The following FLNB variants were observed in gnomAD, a reference collection of about 807,000 sequenced individuals.
The protein encoded by FLNB is filamin-B.
In FLNB, 111 loss-of-function variants were observed where a neutral mutation model predicts 250.6. The ratio of observed to expected loss-of-function variants is 0.44; its 90% CI spans 0.38 to 0.52. The LOEUF is 0.52. Among genes scored for constraint, FLNB ranks in the 20% least tolerant of loss-of-function variants. The pLI, the probability that FLNB is intolerant of heterozygous loss-of-function variation, is 0.00. For missense variants in FLNB, 2,869 were observed against 3,447.8 expected (o/e 0.83, Z 4.20); for synonymous variants, 1,302 against 1,372.1 (o/e 0.95, Z 1.13).
chr3:58,127,915 G>A (rs75678272), intron 24 of FLNB, among the ~76,000 whole-genome samples: 4,570 of 152,174 alleles, frequency 0.03, 235 homozygotes, highest in African/African-American at 0.1. Flanking sequence ...ATTCTATAGT[G>A]GTGAATTCTG....
chr3:58,156,939 C>A (rs977924358), intron 41 of FLNB, among the ~76,000 whole-genome samples: 23 of 152,160 alleles, frequency 1.5e-4, no homozygotes, highest in Admixed American at 9.2e-4. Flanking sequence ...TGAGGTGATC[C>A]ACCCCACTCA....
At chr3:58,017,063 A>G (rs916046747) in intron 1 of FLNB, among the ~76,000 whole-genome samples, 4 of 152,118 alleles carry the variant, frequency 2.6e-5, no homozygotes, top group African/African-American at 4.8e-5. Flanking sequence ...CTAACTTTTC[A>G]TGGGAAACTG....
At chr3:58,120,473 T>C (rs973927417) in intron 19 of FLNB, among the ~76,000 whole-genome samples, 1 of 152,238 alleles carries the variant, frequency 6.6e-6, no homozygotes, top group Non-Finnish European at 1.5e-5. Context: ...AGGGGCCCTG[T>C]GTTCCCAGTG....
intron 42 of FLNB, 110 bp downstream of exon 42, chr3:58,159,796 C>T (rs536345888): frequency 8.6e-7 from 1 of 1,159,196 alleles, no homozygotes; most frequent in Non-Finnish European, 1.3e-6. Flanking sequence ...TGCCAGTGAG[C>T]CTCTGAATTC....
rs1256508216 is a variant in FLNB at position 58,154,874 on chromosome 3, T to C, written c.6718T>C (p.Phe2240Leu). 6.2e-7 allele frequency: 1 copy of C among 1,614,060 alleles called. No homozygotes were observed. Among genetic ancestry groups the C allele is most frequent in the Non-Finnish European group, 8.5e-7 (1 of 1,179,978 alleles). ...VEGPSKAEIT[F>L]DDHKNGSCGV... ...GGGCCCCAGTAAGGCCGAGATTACA[T>C]TCGATGACCATAAAAATGGGTCGTG... Residue 2240 changes from phenylalanine (F) to leucine (L), a missense_variant, in exon 40 of 46, where the codon TTC (phenylalanine) becomes CTC (leucine). Phe to Leu is a conservative substitution (Grantham distance 22). Transcript: ENST00000295956.
Position 58,100,373 on chromosome 3 carries a change from A to AAAAATATATATATATATATATATATAT in FLNB, c.1345+1466_1345+1467insAAATATATATATATATATATATATATA. 1.9e-3 allele frequency among the ~76,000 whole-genome samples: 200 copies of AAAAATATATATATATATATATATATAT among 104,330 alleles called. 2 individuals are homozygous for AAAAATATATATATATATATATATATAT. The highest frequency in any genetic ancestry group is 4.8e-3 in the Middle Eastern group (1 of 210). The allele number at this position is 104,330 out of a possible 152,430, so 68.4% of individuals were successfully genotyped here. On this transcript the variant is annotated intron_variant, in intron 8 of 45. Transcript: ENST00000295956. ...AATGATTTTACATATGTAAAAAAAA[A>AAAAATATATATATATATATATATATAT]ATATATATATATTTGCAGGGGCGCG...
Position 58,077,290 on chromosome 3 carries a change from T to C in FLNB, c.537T>C (p.Ala179=), listed in dbSNP as rs2097202994. 2 of 1,613,956 alleles carry C rather than the reference T, an allele frequency of 1.2e-6. No individual in the cohort carries two copies. The highest frequency in any genetic ancestry group is 1.7e-5 in the Admixed American group (1 of 60,020). ...KALGALVDSC[A]PGLCPDWESW... is the part of the protein sequence containing the mutation. ...TGGGAGCCCTGGTAGACAGCTGTGCTCCAGGTAAGTGGCCAGGGCTGCCTA... is the reference window on the plus strand; with the variant it reads ...TGGGAGCCCTGGTAGACAGCTGTGCCCCAGGTAAGTGGCCAGGGCTGCCTA... Residue 179 remains alanine (A), a synonymous_variant, in exon 2 of 46, where the codon GCT becomes GCC. Transcript: ENST00000295956.
rs370408343 is a variant in FLNB at position 58,168,429 on chromosome 3, C to T, written c.7199-11C>T. ...GTCATCAACACAGCATTTTCTATTCCTTTCTCCCAGGTATCCAGTCGGAAT... is the reference window on the plus strand; with the variant it reads ...GTCATCAACACAGCATTTTCTATTCTTTTCTCCCAGGTATCCAGTCGGAAT... On this transcript the variant is annotated splice_polypyrimidine_tract_variant and intron_variant, in intron 43 of 45. Transcript: ENST00000295956. 8.1e-6 allele frequency: 13 copies of T among 1,607,380 alleles called. No individual in the cohort carries two copies. The highest frequency in any genetic ancestry group is 1.1e-5 in the South Asian group (1 of 90,916).
intron 24 of FLNB, among the ~76,000 whole-genome samples, chr3:58,128,361 G>A (rs2107194241): frequency 6.6e-6 from 1 of 152,244 alleles, no homozygotes; most frequent in East Asian, 1.9e-4. Flanking sequence ...AAAACAACAT[G>A]TTTCTCCTCA....
chr3:58,072,075 G>T (rs1356020799), intron 1 of FLNB, among the ~76,000 whole-genome samples: 1 of 152,184 alleles, frequency 6.6e-6, no homozygotes, highest in Non-Finnish European at 1.5e-5. Context: ...CTCAAATTAA[G>T]TTTCTAGCTA....
chr3:58,043,363 C>A (rs2097149051), intron 1 of FLNB, among the ~76,000 whole-genome samples: 1 of 151,864 alleles, frequency 6.6e-6, no homozygotes, highest in Admixed American at 6.6e-5. Context: ...ATTTGGCATT[C>A]TTTTGAGTAC....
Position 58,008,758 on chromosome 3 carries a change from A to G in FLNB, c.194A>G (p.Lys65Arg), listed in dbSNP as rs775339823. Residue 65 changes from lysine to arginine, a missense_variant, in exon 1 of 46, where the codon AAG (lysine) becomes AGG (arginine). Around this residue, in one of 5 missense-constraint regions of FLNB, gnomAD observed 308 missense variants for 466.1 expected, o/e 0.66. Transcript: ENST00000295956. The part of the protein sequence containing the change: ...EVLSQKRMYR[K>R]YHQRPTFRQM... Reference sequence around the variant, plus strand: ...CTCAGCCAGAAGCGCATGTACCGCAAGTACCATCAGCGGCCCACCTTTCGC... The same window carrying G: ...CTCAGCCAGAAGCGCATGTACCGCAGGTACCATCAGCGGCCCACCTTTCGC... 3 of 1,613,936 alleles carry G rather than the reference A, an allele frequency of 1.9e-6. No homozygotes were observed. Among genetic ancestry groups the G allele is most frequent in the Non-Finnish European group, 2.5e-6 (3 of 1,179,944 alleles).
chr3:58,077,979 G>C (rs531150190), intron 2 of FLNB, among the ~76,000 whole-genome samples: 1 of 151,542 alleles, frequency 6.6e-6, no homozygotes, highest in Non-Finnish European at 1.5e-5. Context: ...AAAAAAAAAA[G>C]GTATTAATCA....
rs142631042 is a variant in FLNB at position 58,131,983 on chromosome 3, T to C, written c.4391-825T>C. ...CCCCTTGAAAGCCCTTTCAGAGTTC[T>C]TTAAAGGTGACCCGAAGGGTGACTT... On this transcript the variant is annotated intron_variant, in intron 25 of 45. Coordinates refer to ENST00000295956, the MANE Select transcript of FLNB (RefSeq NM_001457.4). 5.4e-4 allele frequency: 823 copies of C among 1,537,202 alleles called. 4 individuals are homozygous for C. Among genetic ancestry groups the C allele is most frequent in the Middle Eastern group, 1.8e-3 (11 of 5,988 alleles).
intron 25 of FLNB, among the ~76,000 whole-genome samples, 154 bp downstream of exon 25, chr3:58,131,062 T>C (rs1178245133): frequency 6.6e-6 from 1 of 152,238 alleles, no homozygotes; most frequent in African/African-American, 2.4e-5. Flanking sequence ...CAGTAGAAAT[T>C]CCTGCTTACA....
At chr3:58,167,125 CTCAA>C (rs1575482036) in intron 43 of FLNB, among the ~76,000 whole-genome samples, 1 of 152,228 alleles carries the variant, frequency 6.6e-6, no homozygotes, top group South Asian at 2.1e-4. Flanking sequence ...GAGACTCTAT[CTCAA>C]TCAATCAATC....
chr3:58,106,922 C>A, intron 12 of FLNB, 49 bp downstream of exon 12: 1 of 1,538,380 alleles, frequency 6.5e-7, no homozygotes, highest in South Asian at 1.1e-5. Context: ...CCCCTGGTTC[C>A]TCACCCCCAT....
At chr3:58,150,364 C>T (rs2097342900) in intron 38 of FLNB, 137 bp downstream of exon 38, 1 of 919,426 alleles carries the variant, frequency 1.1e-6, no homozygotes, top group African/African-American at 1.6e-5. Flanking sequence ...CATTTCACTT[C>T]ATTTCATTAT....
Position 58,121,453 on chromosome 3 carries a change from C to A in FLNB, c.3076C>A (p.Pro1026Thr). ...VDVTYDGHPV[P>T]GSPYTVEASL... ...CGTGACCTACGATGGACACCCTGTG[C>A]CCGGGAGCCCCTACACAGTGGAGGC... The change falls in exon 20 of 46, where the codon CCC becomes ACC. Residue 1026 changes from proline to threonine, a missense_variant. This residue lies in a region of FLNB where 1,348 missense variants were observed against 1,466.7 expected (regional missense o/e 0.92). Coordinates refer to ENST00000295956, the MANE Select transcript of FLNB (RefSeq NM_001457.4). 1 of 1,614,102 alleles carries A rather than the reference C, an allele frequency of 6.2e-7. No homozygotes were observed. Among genetic ancestry groups the A allele is most frequent in the Non-Finnish European group, 8.5e-7 (1 of 1,180,012 alleles).
Sources: gnomAD v4.1 joint callset for allele counts (sites outside exome capture counted in the v4.1 genomes callset) on GRCh38, gnomAD v4.1.1 for gene constraint, gnomAD v4.1.1 regional missense constraint, MANE v1.5 for transcripts, NCBI Gene and HGNC (gene_info 2026-07-23, HGNC 2026-07-21) for gene names.